DYNAP: variants seen among roughly 807,000 people sequenced by gnomAD.
DYNAP encodes the protein dynactin-associated protein.
Under a neutral mutation model 8.5 loss-of-function variants are expected in DYNAP, and 7 were observed. The observed-to-expected ratio is 0.82, with a 90% CI of 0.47 to 1.54. The LOEUF is 1.54. DYNAP is among the 40% of genes most tolerant of loss of function. DYNAP has a pLI of 0.01. For missense variants in DYNAP, 256 were observed against 224.3 expected (o/e 1.14, Z -0.90); for synonymous variants, 77 against 77.9 (o/e 0.99, Z 0.06).
intron 2 of DYNAP, 124 bp from the exon 3 acceptor site, chr18:54,597,689 A>T: frequency 2.0e-6 from 2 of 981,994 alleles, no homozygotes; most frequent in Non-Finnish European, 1.5e-6. Context: ...CTTCAAGCCC[A>T]TCTTTCAGAG....
chr18:54,584,274 T>C (rs1408891985), upstream of DYNAP, among the ~76,000 whole-genome samples: 1 of 148,258 alleles, frequency 6.7e-6, no homozygotes, highest in Non-Finnish European at 1.5e-5. Flanking sequence ...TAATATTTAA[T>C]ATTTATATTA....
chr18:54,582,982 G>A (rs948230751), upstream of DYNAP, among the ~76,000 whole-genome samples: 6 of 151,988 alleles, frequency 3.9e-5, no homozygotes, highest in Admixed American at 6.5e-5. Context: ...AACCATCAAC[G>A]CTTTTTAATA....
intron 1 of DYNAP, among the ~76,000 whole-genome samples, chr18:54,593,550 C>T (rs2144888580): frequency 6.6e-6 from 1 of 152,196 alleles, no homozygotes; most frequent in South Asian, 2.1e-4. Flanking sequence ...CAAAGATAAC[C>T]TTGATTCACA....
chr18:54,599,329 C>A lies in DYNAP; in HGVS notation c.*1184C>A, dbSNP rs1384751671. On this transcript the variant is annotated 3_prime_UTR_variant, in exon 3 of 3. Coordinates refer to ENST00000648945, the MANE Select transcript of DYNAP (RefSeq NM_173629.3). ...ACTTGATAGAACTAGCATCAGTCAT[C>A]AAAATAACCTGTTCTATATTAAGTT... 1 of 152,122 alleles carries A rather than the reference C, an allele frequency of 6.6e-6. No individual in the cohort carries two copies. Among genetic ancestry groups the A allele is most frequent in the Non-Finnish European group, 1.5e-5 (1 of 67,994 alleles). The allele number at this position is 152,122 out of a possible 1,614,324, so 9.4% of individuals were successfully genotyped here.
intron 1 of DYNAP, among the ~76,000 whole-genome samples, chr18:54,592,456 C>T (rs1911119568): frequency 6.6e-6 from 1 of 151,724 alleles, no homozygotes; most frequent in African/African-American, 2.4e-5. Context: ...CTATATTTTT[C>T]TCTTCAAACC....
the DYNAP span, among the ~76,000 whole-genome samples, chr18:54,575,626 C>T: frequency 5.9e-5 from 9 of 151,862 alleles, no homozygotes; most frequent in Admixed American, 2.6e-4. Flanking sequence ...TTTGTAGAGA[C>T]GGGGGTCTCA....
At chr18:54,590,284 T>G (rs1355381585), upstream of DYNAP, among the ~76,000 whole-genome samples, 1 of 152,200 alleles carries the variant, frequency 6.6e-6, no homozygotes. Context: ...TTGTGATGAC[T>G]TATTTCAATT....
At chr18:54,593,286 C>T (rs1048989688) in intron 1 of DYNAP, among the ~76,000 whole-genome samples, 15 of 152,178 alleles carry the variant, frequency 9.9e-5, no homozygotes, top group Admixed American at 2.0e-4. Flanking sequence ...ATGGAACTCA[C>T]TGGTTGGTTG....
At chr18:54,582,501 G>A in the DYNAP span, among the ~76,000 whole-genome samples, 3 of 152,184 alleles carry the variant, frequency 2.0e-5, no homozygotes, top group African/African-American at 7.2e-5. Context: ...TGGTCAATAT[G>A]TATTTGTTTA....
chr18:54,590,205 C>T (rs1911015380), upstream of DYNAP, among the ~76,000 whole-genome samples: 1 of 152,124 alleles, frequency 6.6e-6, no homozygotes, highest in Admixed American at 6.6e-5. Flanking sequence ...CAACATTCTA[C>T]TTTCTGTCTC....
the DYNAP span, among the ~76,000 whole-genome samples, chr18:54,576,301 C>G: frequency 6.6e-6 from 1 of 152,034 alleles, no homozygotes; most frequent in African/African-American, 2.4e-5. Context: ...GTATACAGAG[C>G]CTTCATAGAA....
the DYNAP span, among the ~76,000 whole-genome samples, chr18:54,575,800 AACATGCACACACACACACGCAC>A: frequency 6.6e-6 from 1 of 151,990 alleles, no homozygotes; most frequent in East Asian, 1.9e-4. Flanking sequence ...TCATTAACAT[AACATGCACACACACACACGCAC>A]ACATGCACAC....
In DYNAP at chr18:54,598,037, C is replaced by A; in HGVS notation, c.447C>A (p.Thr149=). The A allele has an allele frequency of 6.2e-7, 1 of 1,613,538 alleles. No homozygotes were observed. Among genetic ancestry groups the A allele is most frequent in the Non-Finnish European group, 8.5e-7 (1 of 1,179,756 alleles). ...PSPACPPTMT[T]TSTVPASTAT... The stretch of plus-strand genomic sequence containing the variant: ...CTGCTTGTCCACCTACAATGACCAC[C>A]ACTTCAACTGTACCTGCAAGTACAG... The change falls in exon 3 of 3, where the codon ACC becomes ACA. Residue 149 remains threonine, a synonymous_variant. Transcript: ENST00000648945.
intron 1 of DYNAP, among the ~76,000 whole-genome samples, chr18:54,591,555 G>C (rs551714563): frequency 2.0e-5 from 3 of 151,912 alleles, no homozygotes; most frequent in Non-Finnish European, 4.4e-5. Context: ...AATATATATA[G>C]CTATAAAGTA....
chr18:54,592,371 GT>G (rs200699318), intron 1 of DYNAP, among the ~76,000 whole-genome samples: 2 of 150,206 alleles, frequency 1.3e-5, no homozygotes, highest in Non-Finnish European at 3.0e-5. Context: ...AGCTTATATT[GT>G]TTTTTTTTAC....
In DYNAP at chr18:54,598,937, C is replaced by T. The variant is rs1911425577; in HGVS notation, c.*792C>T. On this transcript the variant is annotated 3_prime_UTR_variant, in exon 3 of 3. Coordinates refer to ENST00000648945, the MANE Select transcript of DYNAP (RefSeq NM_173629.3). The stretch of plus-strand genomic sequence containing the variant: ...TGATCTCCACAATCCTTTATCTTAA[C>T]CTGAACATTCCTTTCCATGGATCTC... The T allele has an allele frequency of 6.6e-6, 1 of 152,132 alleles. No homozygotes were observed. The highest frequency in any genetic ancestry group is 2.4e-5 in the African/African-American group (1 of 41,440). The allele number at this position is 152,132 out of a possible 1,614,324, so 9.4% of individuals were successfully genotyped here. A position where few individuals can be genotyped will look rare whatever the true frequency, so the allele number is the denominator to read the frequency against.
At chr18:54,583,150 G>A (rs1377929908), upstream of DYNAP, among the ~76,000 whole-genome samples, 1 of 152,138 alleles carries the variant, frequency 6.6e-6, no homozygotes, top group Non-Finnish European at 1.5e-5. Context: ...ATAGTTATCA[G>A]ATGCTGAATA....
the DYNAP span, among the ~76,000 whole-genome samples, chr18:54,575,892 C>T: frequency 6.6e-6 from 1 of 152,194 alleles, no homozygotes. Context: ...ACAATTTCCT[C>T]ATGTCTCTTC....
At chr18:54,596,225 AC>A (rs1911281712) in intron 2 of DYNAP, among the ~76,000 whole-genome samples, 1 of 151,824 alleles carries the variant, frequency 6.6e-6, no homozygotes, top group Non-Finnish European at 1.5e-5. Flanking sequence ...TGCATATGCC[AC>A]CATGCCTGGC....
Sources: gnomAD v4.1 joint callset for allele counts (sites outside exome capture counted in the v4.1 genomes callset) on GRCh38, gnomAD v4.1.1 for gene constraint, MANE v1.5 for transcripts, NCBI Gene and HGNC (gene_info 2026-07-23, HGNC 2026-07-21) for gene names.